AASS: variants seen among roughly 807,000 people sequenced by gnomAD.
AASS encodes alpha-aminoadipic semialdehyde synthase, mitochondrial.
Under a neutral mutation model 105.4 loss-of-function variants are expected in AASS, and 86 were observed. That is an observed-to-expected ratio of 0.82 (90% CI 0.69 to 0.98). The LOEUF is 0.98. Among genes scored for constraint, AASS ranks in the 50% least tolerant of loss-of-function variants. AASS has a pLI of 0.00. For missense variants in AASS, 1,048 were observed against 1,143.2 expected (o/e 0.92, Z 1.20); for synonymous variants, 381 against 394.8 (o/e 0.96, Z 0.41).
chr7:122,091,599 A>G, intron 18 of AASS, 104 bp downstream of exon 18: 2 of 1,516,706 alleles, frequency 1.3e-6, no homozygotes, highest in South Asian at 2.3e-5. Flanking sequence ...TAATGGAGAC[A>G]GGCAGCATCA....
intron 15 of AASS, among the ~76,000 whole-genome samples, chr7:122,093,509 C>T (rs1257713813): frequency 6.6e-6 from 1 of 152,108 alleles, no homozygotes; most frequent in African/African-American, 2.4e-5. Context: ...ATTGACATGC[C>T]CATCAATAGT....
At chr7:122,132,179 C>T (rs565842168) in intron 2 of AASS, among the ~76,000 whole-genome samples, 4 of 152,072 alleles carry the variant, frequency 2.6e-5, no homozygotes, top group African/African-American at 4.8e-5. Flanking sequence ...GCTTTAAATG[C>T]AATGATAAGA....
intron 10 of AASS, 77 bp downstream of exon 10, chr7:122,113,521 A>T: frequency 6.4e-7 from 1 of 1,567,816 alleles, no homozygotes; most frequent in Non-Finnish European, 8.7e-7. Flanking sequence ...ATAAAGATGT[A>T]AAATACTGAG....
chr7:122,133,495 T>A (rs1363579927), intron 2 of AASS, 22 bp downstream of exon 2: 8 of 1,613,024 alleles, frequency 5.0e-6, no homozygotes, highest in Middle Eastern at 1.7e-4. Flanking sequence ...TATTCTCACA[T>A]AAAAATATTG....
intron 18 of AASS, among the ~76,000 whole-genome samples, chr7:122,091,087 G>A (rs1308180833): frequency 6.6e-6 from 1 of 152,012 alleles, no homozygotes; most frequent in Non-Finnish European, 1.5e-5. Flanking sequence ...CTGGCAAAAG[G>A]AGAAAAAAAG....
intron 19 of AASS, 75 bp from the exon 20 acceptor site, chr7:122,081,670 A>C (rs899004473): frequency 2.0e-6 from 2 of 1,001,798 alleles, no homozygotes; most frequent in Admixed American, 1.8e-5. Context: ...TTTTGAAAAG[A>C]GGGATATATC....
At chr7:122,123,076 A>C (rs1488556748) in intron 4 of AASS, among the ~76,000 whole-genome samples, 1 of 152,148 alleles carries the variant, frequency 6.6e-6, no homozygotes, top group Non-Finnish European at 1.5e-5. Context: ...AAACTCTGAG[A>C]ACAGTTTTCC....
chr7:122,089,574 A>G (rs192355930), intron 18 of AASS, among the ~76,000 whole-genome samples: 1 of 152,284 alleles, frequency 6.6e-6, no homozygotes, highest in Admixed American at 6.5e-5. Context: ...CACAACCACT[A>G]ATTTCCTTAT....
chr7:122,096,091 C>T (rs1794141985), intron 15 of AASS, among the ~76,000 whole-genome samples: 1 of 151,890 alleles, frequency 6.6e-6, no homozygotes, highest in Non-Finnish European at 1.5e-5. Flanking sequence ...TAAGTTGACT[C>T]CAACCCAATT....
chr7:122,075,780 T>C lies in AASS; in HGVS notation c.*709A>G, dbSNP rs915156369. On this transcript the variant is annotated 3_prime_UTR_variant, in exon 24 of 24. Coordinates refer to ENST00000417368, the MANE Select transcript of AASS (RefSeq NM_005763.4). ...ACTATAAGGAACTATATTTACAAAATAAATCATAACTTTACAAAAAGGGCA... is the reference window on the plus strand; with the variant it reads ...ACTATAAGGAACTATATTTACAAAACAAATCATAACTTTACAAAAAGGGCA... 2.6e-5 allele frequency: 4 copies of C among 152,128 alleles called. No individual in the cohort carries two copies. The highest frequency in any genetic ancestry group is 7.2e-5 in the African/African-American group (3 of 41,430). The allele number at this position is 152,128 out of a possible 1,614,324, so 9.4% of individuals were successfully genotyped here.
intron 19 of AASS, among the ~76,000 whole-genome samples, chr7:122,084,573 C>A (rs757881704): frequency 6.6e-6 from 1 of 151,078 alleles, no homozygotes; most frequent in Non-Finnish European, 1.5e-5. Context: ...TTTTTTTTTA[C>A]GAAAGTAAAA....
Position 122,086,152 on chromosome 7 carries a change from A to G in AASS, c.2044T>C (p.Phe682Leu). The change falls in exon 19 of 24, where the codon TTT (phenylalanine) becomes CTT (leucine). Residue 682 changes from phenylalanine to leucine, a missense_variant. Coordinates refer to ENST00000417368, the MANE Select transcript of AASS (RefSeq NM_005763.4). ...KVVNVAGGISFLDAVTSMDFF... is the reference protein window; with the variant it reads ...KVVNVAGGISLLDAVTSMDFF... Reference sequence around the variant, plus strand: ...TCCATGGACGTAACGGCATCAAGAAAGGAGATGCCTCCTGCAACATTCACA... The same window carrying G: ...TCCATGGACGTAACGGCATCAAGAAGGGAGATGCCTCCTGCAACATTCACA... 1.2e-6 allele frequency: 2 copies of G among 1,613,550 alleles called. No individual in the cohort carries two copies. The highest frequency in any genetic ancestry group is 1.7e-6 in the Non-Finnish European group (2 of 1,179,766).
rs1382670529 is a variant in AASS at position 122,099,628 on chromosome 7, T to A, written c.1407-762A>T. Among the ~76,000 whole-genome samples, 3 of 152,026 alleles carry A rather than the reference T, an allele frequency of 2.0e-5. No homozygotes were observed. In the East Asian group the frequency reaches 5.8e-4, roughly 29 times the overall value. On this transcript the variant is annotated intron_variant, in intron 13 of 23. Coordinates refer to ENST00000417368, the MANE Select transcript of AASS (RefSeq NM_005763.4). ...TTAAATATGGAATTTACTCATTAAA[T>A]ATTTTTTGAATCAAATTCCCTGTTA...
At chr7:122,090,642 G>T (rs1288168379) in intron 18 of AASS, among the ~76,000 whole-genome samples, 1 of 152,084 alleles carries the variant, frequency 6.6e-6, no homozygotes, top group Non-Finnish European at 1.5e-5. Context: ...CCAGGACTAG[G>T]GCAAGGTGAA....
intron 17 of AASS, 76 bp from the exon 18 acceptor site, chr7:122,091,919 G>T: frequency 9.5e-7 from 1 of 1,055,638 alleles, no homozygotes; most frequent in Non-Finnish European, 1.4e-6. Context: ...TGAAGACAAT[G>T]ATATGAATGG....
intron 11 of AASS, among the ~76,000 whole-genome samples, chr7:122,107,828 C>T (rs1441462373): frequency 4.0e-5 from 6 of 151,720 alleles, no homozygotes; most frequent in Non-Finnish European, 8.8e-5. Flanking sequence ...TCTGCACATC[C>T]ACCCCTCGTG....
intron 11 of AASS, among the ~76,000 whole-genome samples, chr7:122,104,575 G>C (rs1794578879): frequency 6.6e-6 from 1 of 152,106 alleles, no homozygotes; most frequent in African/African-American, 2.4e-5. Flanking sequence ...CTAGGTGACA[G>C]AGCAAGACTG....
At chr7:122,101,945 A>G (rs963577294) in intron 11 of AASS, among the ~76,000 whole-genome samples, 4 of 151,928 alleles carry the variant, frequency 2.6e-5, no homozygotes, top group Admixed American at 6.6e-5. Flanking sequence ...AACACAAAAA[A>G]GCTTATCCTT....
intron 20 of AASS, among the ~76,000 whole-genome samples, chr7:122,080,107 G>C (rs549739798): frequency 6.6e-6 from 1 of 152,320 alleles, no homozygotes; most frequent in East Asian, 1.9e-4. Flanking sequence ...GTGGTTGCCA[G>C]TAGCAACCCA....
Sources: gnomAD v4.1 joint callset for allele counts (sites outside exome capture counted in the v4.1 genomes callset) on GRCh38, gnomAD v4.1.1 for gene constraint, MANE v1.5 for transcripts, NCBI Gene and HGNC (gene_info 2026-07-23, HGNC 2026-07-21) for gene names.